The following PPARG variants were observed in gnomAD, a reference collection of about 807,000 sequenced individuals.
The protein encoded by PPARG is peroxisome proliferator-activated receptor gamma.
A neutral mutation model predicts 39.2 loss-of-function variants in PPARG; 17 were observed. The observed-to-expected ratio is 0.43, with a 90% CI of 0.30 to 0.65. PPARG has a LOEUF of 0.65. Among genes scored for constraint, PPARG ranks in the 30% least tolerant of loss-of-function variants. The pLI is 0.13. For synonymous variants in PPARG, 223 were observed against 215.7 expected (o/e 1.03, Z -0.30); for missense variants, 406 against 585.9 (o/e 0.69, Z 3.17).
chr3:12,419,912 A>G (rs1248933537), intron 7 of PPARG, among the ~76,000 whole-genome samples: 1 of 152,224 alleles, frequency 6.6e-6, no homozygotes, highest in Non-Finnish European at 1.5e-5. Flanking sequence ...ATGTCATTAC[A>G]TACTCTTTGT....
At chr3:12,398,074 T>A (rs1029810386) in intron 5 of PPARG, among the ~76,000 whole-genome samples, 4 of 152,140 alleles carry the variant, frequency 2.6e-5, no homozygotes, top group Non-Finnish European at 5.9e-5. Context: ...CTTTTCTGAT[T>A]CCCTGCTCTT....
intron 2 of PPARG, among the ~76,000 whole-genome samples, chr3:12,366,235 G>T (rs1004598121): frequency 6.6e-6 from 1 of 151,814 alleles, no homozygotes; most frequent in South Asian, 2.1e-4. Flanking sequence ...ATTAAATTTC[G>T]CTTGTTCATT....
intron 5 of PPARG, among the ~76,000 whole-genome samples, chr3:12,395,345 T>G (rs989707756): frequency 1.4e-4 from 21 of 152,176 alleles, no homozygotes; most frequent in Admixed American, 6.5e-5. Context: ...AAAATGTAAT[T>G]TATATATCTG....
At chr3:12,380,898 G>C (rs756179146) in intron 3 of PPARG, among the ~76,000 whole-genome samples, 1 of 152,090 alleles carries the variant, frequency 6.6e-6, no homozygotes, top group Non-Finnish European at 1.5e-5. Flanking sequence ...TCCTTCTGTG[G>C]TTCTTTTGCA....
At chr3:12,395,923 T>C (rs2050241447) in intron 5 of PPARG, among the ~76,000 whole-genome samples, 1 of 152,184 alleles carries the variant, frequency 6.6e-6, no homozygotes, top group Admixed American at 6.5e-5. Flanking sequence ...CAAGTGATCA[T>C]TGCATCAACT....
chr3:12,390,512 A>G (rs2050032363), intron 4 of PPARG, among the ~76,000 whole-genome samples: 2 of 151,956 alleles, frequency 1.3e-5, no homozygotes, highest in Admixed American at 1.3e-4. Context: ...CCTCATACCA[A>G]ATTTTAATAG....
intron 2 of PPARG, among the ~76,000 whole-genome samples, chr3:12,332,345 A>G (rs1315672550): frequency 6.6e-6 from 1 of 152,150 alleles, no homozygotes; most frequent in African/African-American, 2.4e-5. Flanking sequence ...TCTTAGTTTT[A>G]TTTTTGAGTA....
intron 4 of PPARG, among the ~76,000 whole-genome samples, chr3:12,384,035 A>C (rs2049782092): frequency 6.6e-6 from 1 of 152,152 alleles, no homozygotes; most frequent in Non-Finnish European, 1.5e-5. Context: ...GTAATTTGCA[A>C]ACCATCCAAA....
At chr3:12,301,959 CA>C (rs1559484905) in intron 1 of PPARG, 2 of 152,180 alleles carry the variant, frequency 1.3e-5, no homozygotes, top group Non-Finnish European at 2.9e-5. Context: ...TGGTTCTAGG[CA>C]CAAAGGGAGA....
intron 1 of PPARG, among the ~76,000 whole-genome samples, chr3:12,299,878 G>T (rs889707199): frequency 4.6e-5 from 7 of 151,982 alleles, no homozygotes; most frequent in Non-Finnish European, 7.4e-5. Flanking sequence ...TAATATTTGC[G>T]TAAAAGGAGA....
At chr3:12,287,828 A>ACCCCCC (rs2046542431), upstream of PPARG, 4 of 17,096 alleles carry the variant, frequency 2.3e-4, no homozygotes, top group African/African-American at 4.2e-4. Context: ...CCCCACCCCC[A>ACCCCCC]CCCCCACCCC....
chr3:12,372,545 G>A (rs1031117071), intron 2 of PPARG, among the ~76,000 whole-genome samples: 1 of 152,166 alleles, frequency 6.6e-6, no homozygotes, highest in Non-Finnish European at 1.5e-5. Flanking sequence ...CAGATTTAGT[G>A]TCCTGTTAGT....
rs2051763700 is a variant in PPARG at position 12,433,953 on chromosome 3, A to G, written c.1236A>G (p.Leu412=). 3.1e-6 allele frequency: 5 copies of G among 1,614,194 alleles called. No individual in the cohort carries two copies. The highest frequency in any genetic ancestry group is 4.2e-6 in the Non-Finnish European group (5 of 1,180,020). The change falls in exon 8 of 8, where the codon CTA becomes CTG. Residue 412 remains leucine, a synonymous_variant. Coordinates refer to ENST00000651735, the MANE Select transcript of PPARG (RefSeq NM_138711.6). ...KPIEDIQDNL[L]QALELQLKLN... ...TTGAAGACATTCAAGACAACCTGCT[A>G]CAAGCCCTGGAGCTCCAGCTGAAGC...
intron 2 of PPARG, among the ~76,000 whole-genome samples, chr3:12,318,661 T>A (rs188228696): frequency 6.6e-6 from 1 of 152,314 alleles, no homozygotes; most frequent in East Asian, 1.9e-4. Context: ...TTCCACAGTT[T>A]TCTTTGCCTC....
At chr3:12,318,204 C>T (rs1161236475) in intron 2 of PPARG, among the ~76,000 whole-genome samples, 1 of 152,128 alleles carries the variant, frequency 6.6e-6, no homozygotes, top group Admixed American at 6.6e-5. Context: ...AAACGTCTGG[C>T]CTCAAGCAAT....
At chr3:12,392,057 A>T (rs2050095390) in intron 4 of PPARG, among the ~76,000 whole-genome samples, 1 of 152,236 alleles carries the variant, frequency 6.6e-6, no homozygotes, top group South Asian at 2.1e-4. Context: ...TCTGTAAGCC[A>T]CAACAATGAT....
At chr3:12,431,595 T>C (rs2125318910) in intron 7 of PPARG, among the ~76,000 whole-genome samples, 1 of 152,166 alleles carries the variant, frequency 6.6e-6, no homozygotes, top group African/African-American at 2.4e-5. Flanking sequence ...AAGCAAAAAA[T>C]AGATAAACCT....
At chr3:12,319,385 TG>T (rs150732434) in intron 2 of PPARG, among the ~76,000 whole-genome samples, 13,448 of 152,292 alleles carry the variant, frequency 0.088, 757 homozygotes, top group Non-Finnish European at 0.12. Context: ...GCAATCATTT[TG>T]TAGGAGTATA....
In PPARG at chr3:12,311,905, G is replaced by A. The variant is rs576633214; in HGVS notation, c.-82-475G>A. Among the ~76,000 whole-genome samples the A allele has an allele frequency of 2.6e-5, 4 of 152,276 alleles. No homozygotes were observed. The East Asian group carries it at 7.7e-4, about 29-fold the overall frequency. Reference sequence around the variant, plus strand: ...GTCACCTTAGGCTTAATAACCATGTGTCATCTAGAATGAAGTTATATTTTA... The same window carrying A: ...GTCACCTTAGGCTTAATAACCATGTATCATCTAGAATGAAGTTATATTTTA... On this transcript the variant is annotated intron_variant, in intron 1 of 7. Coordinates refer to ENST00000651735, the MANE Select transcript of PPARG (RefSeq NM_138711.6).
Sources: gnomAD v4.1 joint callset for allele counts (sites outside exome capture counted in the v4.1 genomes callset) on GRCh38, gnomAD v4.1.1 for gene constraint, MANE v1.5 for transcripts, NCBI Gene and HGNC (gene_info 2026-07-23, HGNC 2026-07-21) for gene names.